Variants in ANXA7 observed in about 807,000 individuals in gnomAD.
ANXA7 encodes annexin A7.
Under a neutral mutation model 64.9 loss-of-function variants are expected in ANXA7, and 55 were observed. The observed-to-expected ratio is 0.85, with a 90% CI of 0.68 to 1.06. ANXA7 has a LOEUF of 1.06. ANXA7 is among the 50% of genes least tolerant of loss of function. The pLI is 0.00. For missense variants in ANXA7, 548 were observed against 582.1 expected (o/e 0.94, Z 0.60); for synonymous variants, 200 against 192.4 (o/e 1.04, Z -0.33).
In ANXA7 at chr10:73,383,666, C is replaced by CT; in HGVS notation, c.657dup (p.Glu220ArgfsTer41). 3.1e-6 allele frequency: 5 copies of CT among 1,612,328 alleles called. No individual in the cohort carries two copies. Among genetic ancestry groups the CT allele is most frequent in the Non-Finnish European group, 4.2e-6 (5 of 1,178,494 alleles). ...AGTTCTTCCATATTTCCACTTAACT[C>CT]TGATTTGAGATCTTTGATTAAATCC... On this transcript the variant is annotated frameshift_variant, in exon 8 of 13. Coordinates refer to ENST00000372921, the MANE Select transcript of ANXA7 (RefSeq NM_001156.5). LOFTEE classifies it high-confidence loss of function.
At chr10:73,386,893 C>T (rs10160005) in intron 7 of ANXA7, among the ~76,000 whole-genome samples, 22,966 of 152,028 alleles carry the variant, frequency 0.15, 2,827 homozygotes, top group African/African-American at 0.32. Flanking sequence ...CAGGCTGGTC[C>T]TGAACTCCTG....
chr10:73,413,162 G>A (rs537806332), intron 1 of ANXA7, among the ~76,000 whole-genome samples: 293 of 151,640 alleles, frequency 1.9e-3, no homozygotes, highest in Non-Finnish European at 3.6e-3. Flanking sequence ...AGTGAGGACT[G>A]AAAGACAGTC....
chr10:73,412,751 C>T (rs189324428), intron 1 of ANXA7, among the ~76,000 whole-genome samples: 1 of 151,450 alleles, frequency 6.6e-6, no homozygotes, highest in East Asian at 1.9e-4. Context: ...TCGCCTCGGC[C>T]TCCCAAAGTG....
At chr10:73,396,014 G>A (rs1219189727) in intron 5 of ANXA7, 3 of 1,389,368 alleles carry the variant, frequency 2.2e-6, no homozygotes, top group Admixed American at 3.4e-5. Context: ...AGGACCTAGT[G>A]ATTAGTAAAC....
chr10:73,399,234 A>G (rs1589660679), intron 2 of ANXA7, among the ~76,000 whole-genome samples: 1 of 152,206 alleles, frequency 6.6e-6, no homozygotes, highest in African/African-American at 2.4e-5. Flanking sequence ...CCTATCCTCC[A>G]CTGACGTCCA....
intron 1 of ANXA7, among the ~76,000 whole-genome samples, chr10:73,402,886 A>G (rs1327649152): frequency 6.6e-6 from 1 of 151,148 alleles, no homozygotes; most frequent in Non-Finnish European, 1.5e-5. Context: ...GTACAGTGGC[A>G]TAATCTCAAC....
intron 5 of ANXA7, among the ~76,000 whole-genome samples, chr10:73,392,786 T>G (rs1367730956): frequency 6.6e-6 from 1 of 152,086 alleles, no homozygotes; most frequent in East Asian, 1.9e-4. Context: ...CTTTGAAAAC[T>G]GGCACAAGAC....
At chr10:73,395,417 A>C (rs780277468) in intron 5 of ANXA7, among the ~76,000 whole-genome samples, 3 of 152,240 alleles carry the variant, frequency 2.0e-5, no homozygotes, top group Non-Finnish European at 4.4e-5. Flanking sequence ...TATACTGCTT[A>C]TTTTGTTCCT....
rs1479124960 is a variant in ANXA7 at position 73,378,918 on chromosome 10, C to G, written c.1271G>C (p.Arg424Pro). ...GAGAGAGGCCTGCCTCACCTCACTT[C>G]GAGTGACCACAATCCGGACCAGGGT... ...DSTLVRIVVT[R>P]SEIDLVQIKQ... Residue 424 changes from arginine (R) to proline (P), a missense_variant, in exon 12 of 13, where the codon CGA becomes CCA. Transcript: ENST00000372921. 1 of 1,612,386 alleles carries G rather than the reference C, an allele frequency of 6.2e-7. No individual in the cohort carries two copies. The highest frequency in any genetic ancestry group is 1.7e-5 in the Admixed American group (1 of 59,930).
chr10:73,396,533 T>C lies in ANXA7; in HGVS notation c.421A>G (p.Thr141Ala), dbSNP rs147037874. The change falls in exon 5 of 13, where the codon ACT (threonine) becomes GCT (alanine). Residue 141 changes from threonine to alanine, a missense_variant. By Grantham distance (58) the Thr-to-Ala change is moderately conservative. Transcript: ENST00000372921. The part of the protein sequence containing the change: ...MPSQYPGGQP[T>A]YPSQPATVTQ... ...GAACAAAATACCTGACTAGGGTAAG[T>C]AGGTTGTCCTCCAGGATACTGAGAA... 120 of 1,610,782 alleles carry C rather than the reference T, an allele frequency of 7.4e-5. No individual in the cohort carries two copies. The highest frequency in any genetic ancestry group is 9.2e-5 in the Non-Finnish European group (108 of 1,178,354).
intron 12 of ANXA7, 102 bp from the exon 13 acceptor site, chr10:73,376,319 G>GTGTTTTCCCCCCCAA: frequency 8.5e-7 from 1 of 1,182,086 alleles, no homozygotes. Context: ...TCAAAACTTG[G>GTGTTTTCCCCCCCAA]GGGGGAAAAC....
Position 73,379,956 on chromosome 10 carries a change from T to C in ANXA7, c.1090-2A>G. On this transcript the variant is annotated splice_acceptor_variant, in intron 10 of 12. Coordinates refer to ENST00000372921, the MANE Select transcript of ANXA7 (RefSeq NM_001156.5). LOFTEE classifies it high-confidence loss of function. ...GCTTAACAAGTCTCGATTAGCCATC[T>C]GCAAACAAAATTAAAGGGTTAAATA... 6.2e-7 allele frequency: 1 copy of C among 1,613,736 alleles called. No homozygotes were observed. The highest frequency in any genetic ancestry group is 8.5e-7 in the Non-Finnish European group (1 of 1,179,918).
chr10:73,381,868 T>C (rs536015470), intron 9 of ANXA7, among the ~76,000 whole-genome samples: 1 of 152,104 alleles, frequency 6.6e-6, no homozygotes, highest in East Asian at 1.9e-4. Context: ...CACTATCCTT[T>C]CCACAGCTAC....
At chr10:73,394,303 C>T (rs2055534715) in intron 5 of ANXA7, among the ~76,000 whole-genome samples, 2 of 152,156 alleles carry the variant, frequency 1.3e-5, no homozygotes, top group African/African-American at 2.4e-5. Context: ...GACAGTGTGG[C>T]GATTCCTCAA....
chr10:73,403,232 A>G (rs975209535), intron 1 of ANXA7, among the ~76,000 whole-genome samples: 5 of 152,162 alleles, frequency 3.3e-5, no homozygotes, highest in Admixed American at 2.0e-4. Flanking sequence ...TCATGCCTGT[A>G]AATCCCAGCA....
At chr10:73,386,214 TAAAAAAA>T (rs377002771) in intron 7 of ANXA7, among the ~76,000 whole-genome samples, 1 of 83,396 alleles carries the variant, frequency 1.2e-5, no homozygotes, top group South Asian at 3.2e-4. Flanking sequence ...CAAAAAAAAG[TAAAAAAA>T]AAAAAAAAAA....
chr10:73,408,927 T>C (rs1309953254), intron 1 of ANXA7, among the ~76,000 whole-genome samples: 5 of 152,136 alleles, frequency 3.3e-5, no homozygotes, highest in African/African-American at 7.2e-5. Flanking sequence ...ACAAAAACCA[T>C]ATGATCTCAA....
At chr10:73,403,218 C>T (rs910597593) in intron 1 of ANXA7, among the ~76,000 whole-genome samples, 2 of 152,122 alleles carry the variant, frequency 1.3e-5, no homozygotes, top group Non-Finnish European at 2.9e-5. Flanking sequence ...CCAGGCACAG[C>T]GGCTCATGCC....
At position 73,377,773 on chromosome 10, in the gene ANXA7, G is replaced by GGTGT. The variant is rs368036663; in HGVS notation, c.1278+1134_1278+1137dup. On this transcript the variant is annotated intron_variant, in intron 12 of 12. Coordinates refer to ENST00000372921, the MANE Select transcript of ANXA7 (RefSeq NM_001156.5). ...ACTACCATGCCGGGGGGTGGGTGTG[G>GGTGT]GTGTGTGTGTGTGTGTGTGTGTGTG... 2.9e-3 allele frequency among the ~76,000 whole-genome samples: 358 copies of GGTGT among 124,850 alleles called. 11 individuals carry two copies. Among genetic ancestry groups the GGTGT allele is most frequent in the African/African-American group, 9.3e-3 (290 of 31,124 alleles). The allele number at this position is 124,850 out of a possible 152,430, so 81.9% of individuals were successfully genotyped here. A position where few individuals can be genotyped will look rare whatever the true frequency, so the allele number is the denominator to read the frequency against.
Sources: gnomAD v4.1 joint callset for allele counts (sites outside exome capture counted in the v4.1 genomes callset) on GRCh38, gnomAD v4.1.1 for gene constraint, MANE v1.5 for transcripts, NCBI Gene and HGNC (gene_info 2026-07-23, HGNC 2026-07-21) for gene names.